FGFR3: variants seen among roughly 807,000 people sequenced by gnomAD.
FGFR3 encodes FGFR-3.
Under a neutral mutation model 82.9 loss-of-function variants are expected in FGFR3, and 25 were observed. The ratio of observed to expected loss-of-function variants is 0.30; its 90% CI spans 0.22 to 0.42. The LOEUF (loss-of-function observed/expected upper bound fraction) is 0.42, where lower values mean the gene tolerates loss of function less well. FGFR3 is among the 10% of genes least tolerant of loss of function. The pLI, the probability that FGFR3 is intolerant of heterozygous loss-of-function variation, is 1.00. For synonymous variants in FGFR3, 620 were observed against 516.0 expected (o/e 1.20, Z -2.73); for missense variants, 1,026 against 1,161.0 (o/e 0.88, Z 1.69).
intron 2 of FGFR3, among the ~76,000 whole-genome samples, 184 bp from the exon 3 acceptor site, chr4:1,799,070 G>A (rs567419641): frequency 2.2e-4 from 33 of 152,334 alleles, no homozygotes; most frequent in African/African-American, 6.7e-4. Context: ...CAGACTGGTT[G>A]GCAAAGCTGA....
At chr4:1,799,687 G>A in intron 3 of FGFR3, 60 bp from the exon 4 acceptor site, 3 of 1,600,952 alleles carry the variant, frequency 1.9e-6, no homozygotes, top group Non-Finnish European at 2.6e-6. Flanking sequence ...ATCTGGGAGG[G>A]GCACCTGGGG....
chr4:1,803,892 G>A, intron 8 of FGFR3, 56 bp downstream of exon 8: 2 of 1,573,378 alleles, frequency 1.3e-6, no homozygotes, highest in East Asian at 2.2e-5. Flanking sequence ...GCTGGCTCGG[G>A]ACACGCCAAA....
At chr4:1,805,270 G>A (rs1577287986) in intron 10 of FGFR3, 85 bp from the exon 11 acceptor site, 2 of 1,590,604 alleles carry the variant, frequency 1.3e-6, no homozygotes. Context: ...GGGCCTCAAG[G>A]GCTGGGCCAG....
intron 2 of FGFR3, among the ~76,000 whole-genome samples, chr4:1,797,807 G>T (rs997223024): frequency 2.0e-5 from 3 of 152,202 alleles, no homozygotes; most frequent in African/African-American, 7.2e-5. Flanking sequence ...ATGAGTGTGG[G>T]CCCTTCTGGC....
In FGFR3 at chr4:1,806,331, C is replaced by T. The variant is rs764661082; in HGVS notation, c.2030+4C>T. On this transcript the variant is annotated splice_donor_region_variant and intron_variant, in intron 15 of 17. Transcript: ENST00000440486. ...TCTACACTCACCAGAGTGACGTGTACGTGTCCTGCAGAGCTCAGGCTTCAG... is the reference window on the plus strand; with the variant it reads ...TCTACACTCACCAGAGTGACGTGTATGTGTCCTGCAGAGCTCAGGCTTCAG... 3.0e-5 allele frequency: 49 copies of T among 1,612,866 alleles called. No individual in the cohort carries two copies. The highest frequency in any genetic ancestry group is 1.8e-4 in the Admixed American group (11 of 59,996).
In FGFR3 at chr4:1,805,539, G is replaced by C; in HGVS notation, c.1535-20G>C. 1 of 1,612,824 alleles carries C rather than the reference G, an allele frequency of 6.2e-7. No individual in the cohort carries two copies. The highest frequency in any genetic ancestry group is 8.5e-7 in the Non-Finnish European group (1 of 1,179,798). On this transcript the variant is annotated intron_variant, in intron 11 of 17. Coordinates refer to ENST00000440486, the MANE Select transcript of FGFR3 (RefSeq NM_000142.5). Reference sequence around the variant, plus strand: ...GGGGCGCCGCCGCCGCCTGACACAGGCCCCCCGCTCCGTGCACAGACGATG... The same window carrying C: ...GGGGCGCCGCCGCCGCCTGACACAGCCCCCCCGCTCCGTGCACAGACGATG...
chr4:1,807,328 A>C lies in FGFR3; in HGVS notation c.*66A>C, dbSNP rs558185092. 1.3e-5 allele frequency: 20 copies of C among 1,539,164 alleles called. No homozygotes were observed. In the African/African-American group the frequency reaches 2.6e-4, roughly 20 times the overall value. On this transcript the variant is annotated 3_prime_UTR_variant, in exon 18 of 18. Coordinates refer to ENST00000440486, the MANE Select transcript of FGFR3 (RefSeq NM_000142.5). ...CCCACCCTGCTGCTGGTGCACAGCCACTCCCCGGCATGAGACTCAGTGCAG... is the reference window on the plus strand; with the variant it reads ...CCCACCCTGCTGCTGGTGCACAGCCCCTCCCCGGCATGAGACTCAGTGCAG...
In FGFR3 at chr4:1,804,496, C is replaced by T. The variant is rs143094785; in HGVS notation, c.1242C>T (p.Ile414=). 1.2e-6 allele frequency: 2 copies of T among 1,612,860 alleles called. No individual in the cohort carries two copies. Among genetic ancestry groups the T allele is most frequent in the Non-Finnish European group, 1.7e-6 (2 of 1,179,952 alleles). ...KGLGSPTVHK[I]SRFPLKRQVS... is the part of the protein sequence containing the mutation. ...TGGGCTCCCCCACCGTGCACAAGAT[C>T]TCCCGCTTCCCGCTCAAGCGACAGG... Residue 414 remains isoleucine (I), a synonymous_variant, in exon 9 of 18, where the codon ATC becomes ATT. Transcript: ENST00000440486.
rs772246140 is a variant in FGFR3 at position 1,799,540 on chromosome 4, C to T, written c.379+17C>T. 3.4e-5 allele frequency: 53 copies of T among 1,551,022 alleles called. No homozygotes were observed. The highest frequency in any genetic ancestry group is 4.0e-5 in the Non-Finnish European group (46 of 1,148,148). ...GGGTGACAGGTGAGCTCTGGGGCCA[C>T]GCCAGCTACAGAAAGGAGCCGAGTG... On this transcript the variant is annotated intron_variant, in intron 3 of 17. Coordinates refer to ENST00000440486, the MANE Select transcript of FGFR3 (RefSeq NM_000142.5).
At position 1,801,540 on chromosome 4, in the gene FGFR3, G is replaced by T; in HGVS notation, c.615+4G>T. The T allele has an allele frequency of 6.3e-7, 1 of 1,575,358 alleles. No individual in the cohort carries two copies. On this transcript the variant is annotated splice_donor_region_variant and intron_variant, in intron 5 of 17. Transcript: ENST00000440486. ...GCACCGCATTGGAGGCATCAAGGTGGGCGCGGCGGGGTGGCTCTGGGCCTG... is the reference window on the plus strand; with the variant it reads ...GCACCGCATTGGAGGCATCAAGGTGTGCGCGGCGGGGTGGCTCTGGGCCTG...
chr4:1,799,666 GA>G (rs956263490), intron 3 of FGFR3, 80 bp from the exon 4 acceptor site: 2 of 1,578,470 alleles, frequency 1.3e-6, no homozygotes, highest in African/African-American at 2.7e-5. Flanking sequence ...CCAAATGGGG[GA>G]CCCTGCCCCA....
Position 1,805,805 on chromosome 4 carries a change from G to T in FGFR3, c.1701G>T (p.Leu567=). ...YAAKGNLREF[L]RARRPPGLDY... is the part of the protein sequence containing the mutation. ...CCAAGGGTAACCTGCGGGAGTTTCT[G>T]CGGGCGCGGCGGCCCCCGGGCCTGG... The change falls in exon 13 of 18, where the codon CTG becomes CTT. Residue 567 remains leucine (L), a synonymous_variant. Transcript: ENST00000440486. The T allele has an allele frequency of 6.2e-7, 1 of 1,612,508 alleles. No homozygotes were observed. The highest frequency in any genetic ancestry group is 8.5e-7 in the Non-Finnish European group (1 of 1,179,820).
rs759325576 is a variant in FGFR3, at chr4:1,799,289, T to G, written c.145T>G (p.Leu49Val). The G allele has an allele frequency of 4.3e-6, 7 of 1,612,434 alleles. No homozygotes were observed. Among genetic ancestry groups the G allele is most frequent in the Non-Finnish European group, 5.9e-6 (7 of 1,179,896 alleles). Residue 49 changes from leucine to valine, a missense_variant, in exon 3 of 18, where the codon TTG becomes GTG. Transcript: ENST00000440486. ...CCCAGAGCCCGGCCAGCAGGAGCAG[T>G]TGGTCTTCGGCAGCGGGGATGCTGT... ...PGPEPGQQEQ[L>V]VFGSGDAVEL...
At chr4:1,800,736 G>T (rs930027342) in intron 4 of FGFR3, among the ~76,000 whole-genome samples, 15 of 152,162 alleles carry the variant, frequency 9.9e-5, no homozygotes, top group African/African-American at 2.4e-4. Flanking sequence ...GCCCATCCTT[G>T]CCTGGAGTCC....
Position 1,805,436 on chromosome 4 carries a change from G to T in FGFR3, c.1494G>T (p.Arg498=), listed in dbSNP as rs763229229. 1 of 1,611,952 alleles carries T rather than the reference G, an allele frequency of 6.2e-7. No individual in the cohort carries two copies. The highest frequency in any genetic ancestry group is 1.1e-5 in the South Asian group (1 of 91,032). Residue 498 remains arginine (R), a synonymous_variant, in exon 11 of 18, where the codon CGG becomes CGT. Transcript: ENST00000440486. ...AGGCCATCGGCATTGACAAGGACCG[G>T]GCCGCCAAGCCTGTCACCGTAGCCG... ...MAEAIGIDKD[R]AAKPVTVAVK... is the part of the protein sequence containing the mutation.
chr4:1,802,809 C>T lies in FGFR3; in HGVS notation c.930+784C>T, dbSNP rs996596511. 1.3e-5 allele frequency: 18 copies of T among 1,385,676 alleles called. 1 individual carries two copies. Among genetic ancestry groups the T allele is most frequent in the South Asian group, 9.0e-5 (6 of 66,472 alleles). 85.8% of individuals were successfully genotyped at this position (1,385,676 alleles called of 1,614,324 possible). A position where few individuals can be genotyped will look rare whatever the true frequency, so the allele number is the denominator to read the frequency against. ...TCCTCCAGGCAGCCTTTGGGGCTGA[C>T]GCAGCCCAGCCTCGATCTGTACCTT... On this transcript the variant is annotated intron_variant, in intron 7 of 17. Coordinates refer to ENST00000440486, the MANE Select transcript of FGFR3 (RefSeq NM_000142.5).
At chr4:1,803,164 G>A (rs1721415508) in intron 7 of FGFR3, 10 of 1,316,396 alleles carry the variant, frequency 7.6e-6, no homozygotes, top group South Asian at 3.6e-5. Flanking sequence ...GCTCGCTCCC[G>A]CCCCGGCTCG....
chr4:1,807,400 CGTGTGTGTGTGT>C lies in FGFR3; in HGVS notation c.*146_*157del, dbSNP rs34562534. The C allele has an allele frequency of 4.5e-4, 403 of 886,332 alleles. 2 individuals are homozygous for C. In the East Asian group the frequency reaches 7.8e-3, roughly 17 times the overall value. 54.9% of individuals were successfully genotyped at this position (886,332 alleles called of 1,614,324 possible). A position where few individuals can be genotyped will look rare whatever the true frequency, so the allele number is the denominator to read the frequency against. Reference sequence around the variant, plus strand: ...GCTTTGGTCTGTGTGTGTGTGTGTGCGTGTGTGTGTGTGTGTGTGCACATCCGCGTGTGCCTG... The same window carrying C: ...GCTTTGGTCTGTGTGTGTGTGTGTGCGTGTGTGCACATCCGCGTGTGCCTG... On this transcript the variant is annotated 3_prime_UTR_variant, in exon 18 of 18. Coordinates refer to ENST00000440486, the MANE Select transcript of FGFR3 (RefSeq NM_000142.5).
Position 1,806,953 on chromosome 4 carries a change from C to T in FGFR3, c.2274+19C>T. The T allele has an allele frequency of 6.3e-7, 1 of 1,577,036 alleles. No homozygotes were observed. The highest frequency in any genetic ancestry group is 8.6e-7 in the Non-Finnish European group (1 of 1,161,140). ...CACCGACGTGAGTGCTGGCTCTGGC[C>T]TGGTGCCACCCGCCTATGCCCCTCC... is the stretch of plus-strand genomic sequence containing the variant. On this transcript the variant is annotated intron_variant, in intron 17 of 17. Coordinates refer to ENST00000440486, the MANE Select transcript of FGFR3 (RefSeq NM_000142.5).
Sources: allele counts gnomAD v4.1 joint callset (sites outside exome capture counted in the v4.1 genomes callset), GRCh38; gene constraint gnomAD v4.1.1; transcripts MANE v1.5; gene names NCBI Gene and HGNC (gene_info 2026-07-23, HGNC 2026-07-21).